IGF1R: variants seen among roughly 807,000 people sequenced by gnomAD.
The protein encoded by IGF1R is insulin like growth factor 1 receptor.
Under a neutral mutation model 144.6 loss-of-function variants are expected in IGF1R, and 44 were observed. The observed-to-expected ratio is 0.30, with a 90% CI of 0.24 to 0.39. The LOEUF is 0.39. IGF1R is among the 10% of genes least tolerant of loss of function. The pLI, the probability that IGF1R is intolerant of heterozygous loss-of-function variation, is 1.00. For synonymous variants in IGF1R, 795 were observed against 722.8 expected (o/e 1.10, Z -1.60); for missense variants, 1,355 against 1,833.7 (o/e 0.74, Z 4.77).
chr15:98,869,898 C>G (rs2012689866), intron 2 of IGF1R, among the ~76,000 whole-genome samples: 1 of 152,182 alleles, frequency 6.6e-6, no homozygotes, highest in Non-Finnish European at 1.5e-5. Context: ...GTGTGTAAGG[C>G]TCTCTGGGAG....
intron 2 of IGF1R, among the ~76,000 whole-genome samples, chr15:98,885,663 T>G (rs957840731): frequency 3.3e-5 from 5 of 152,204 alleles, no homozygotes; most frequent in Non-Finnish European, 2.9e-5. Flanking sequence ...CTTCCGTATT[T>G]TGATTCAGAA....
At chr15:98,925,444 T>C (rs984563943) in intron 13 of IGF1R, among the ~76,000 whole-genome samples, 4 of 152,238 alleles carry the variant, frequency 2.6e-5, no homozygotes, top group African/African-American at 9.6e-5. Context: ...ATTTCTTATT[T>C]CAAACCCAGT....
At chr15:98,914,773 A>G (rs566308362) in intron 8 of IGF1R, among the ~76,000 whole-genome samples, 72 of 147,482 alleles carry the variant, frequency 4.9e-4, no homozygotes, top group Non-Finnish European at 7.9e-4. Context: ...CTCTGTCCTT[A>G]CACGCAGCGG....
chr15:98,838,603 T>A (rs1314503549), intron 2 of IGF1R, among the ~76,000 whole-genome samples: 1 of 152,194 alleles, frequency 6.6e-6, no homozygotes, highest in African/African-American at 2.4e-5. Context: ...ACTTTTCCAG[T>A]ACTCTAAGGT....
chr15:98,869,105 C>T (rs538912816), intron 2 of IGF1R, among the ~76,000 whole-genome samples: 3 of 152,030 alleles, frequency 2.0e-5, no homozygotes, highest in Admixed American at 6.5e-5. Flanking sequence ...TTCTCTTTTT[C>T]GAGGAAGGGG....
In IGF1R at chr15:98,704,811, C is replaced by A; in HGVS notation, c.95-2751C>A. Among the ~76,000 whole-genome samples, 1 of 151,940 alleles carries A rather than the reference C, an allele frequency of 6.6e-6. No individual in the cohort carries two copies. Among genetic ancestry groups the A allele is most frequent in the African/African-American group, 2.4e-5 (1 of 41,348 alleles). On this transcript the variant is annotated intron_variant, in intron 1 of 20. Coordinates refer to ENST00000650285, the MANE Select transcript of IGF1R (RefSeq NM_000875.5). This position sits in a 1 kb window ranked among gnomAD's most constrained non-coding sequence, Gnocchi z 4.9. ...CAGCGTGCTGCACAGGGAGGAAAGA[C>A]GTGGGGCAGCATTGTGGGAAGAGCA... is the stretch of plus-strand genomic sequence containing the variant.
At chr15:98,950,975 A>G (rs1009648365) in intron 20 of IGF1R, among the ~76,000 whole-genome samples, 1 of 152,204 alleles carries the variant, frequency 6.6e-6, no homozygotes, top group African/African-American at 2.4e-5. Flanking sequence ...AGCGGAGGGC[A>G]TGGGGTGGGG....
chr15:98,819,582 T>G (rs938052229), intron 2 of IGF1R, among the ~76,000 whole-genome samples: 1 of 152,148 alleles, frequency 6.6e-6, no homozygotes, highest in African/African-American at 2.4e-5. Flanking sequence ...AAGGAATAAG[T>G]TTCTGTTGTT....
In IGF1R at chr15:98,957,812, A is replaced by G. The variant is rs1009983169; in HGVS notation, c.*370A>G. On this transcript the variant is annotated 3_prime_UTR_variant, in exon 21 of 21. Coordinates refer to ENST00000650285, the MANE Select transcript of IGF1R (RefSeq NM_000875.5). ...TCATAACGGAAAAATAATTGCCACA[A>G]GTCCAGCTGGGAAGCCCTTTTTATC... 6 of 336,750 alleles carry G rather than the reference A, an allele frequency of 1.8e-5. No individual in the cohort carries two copies. The highest frequency in any genetic ancestry group is 6.2e-5 in the African/African-American group (3 of 48,276). 20.9% of individuals were successfully genotyped at this position (336,750 alleles called of 1,614,324 possible).
At chr15:98,822,903 A>G (rs1421426222) in intron 2 of IGF1R, among the ~76,000 whole-genome samples, 1 of 152,228 alleles carries the variant, frequency 6.6e-6, no homozygotes, top group Non-Finnish European at 1.5e-5. Context: ...TGAGTCTTAG[A>G]AGCGTGAATG....
chr15:98,922,999 G>T (rs1475900969), intron 11 of IGF1R, among the ~76,000 whole-genome samples: 2 of 152,214 alleles, frequency 1.3e-5, no homozygotes, highest in Admixed American at 6.5e-5. Flanking sequence ...GCCTCAGGTG[G>T]TAGAAAGAGC....
At chr15:98,861,635 T>G (rs924671690) in intron 2 of IGF1R, among the ~76,000 whole-genome samples, 2 of 152,234 alleles carry the variant, frequency 1.3e-5, no homozygotes, top group Non-Finnish European at 2.9e-5. Flanking sequence ...TGGGTTTGTA[T>G]CCCGTCTTTA....
intron 2 of IGF1R, among the ~76,000 whole-genome samples, chr15:98,834,477 T>C (rs768351934): frequency 3.9e-4 from 60 of 152,354 alleles, no homozygotes; most frequent in Middle Eastern, 3.4e-3. Flanking sequence ...GCCTTCACAC[T>C]TACTTCTGTT....
chr15:98,829,368 T>TAAAAA (rs34595229), intron 2 of IGF1R, among the ~76,000 whole-genome samples: 1 of 147,658 alleles, frequency 6.8e-6, no homozygotes. Context: ...GCTATTACTT[T>TAAAAA]AAAAAAAAAA....
Position 98,963,385 on chromosome 15 carries a change from T to C in IGF1R, c.*5943T>C. On this transcript the variant is annotated 3_prime_UTR_variant, in exon 21 of 21. Coordinates refer to ENST00000650285, the MANE Select transcript of IGF1R (RefSeq NM_000875.5). ...TTAAAAAGTAGTTCTGTATCTTCAG[T>C]ATCTTGGTCTTCCAGAACCCTCTGG... is the stretch of plus-strand genomic sequence containing the variant. 4.3e-6 allele frequency: 1 copy of C among 233,448 alleles called. No homozygotes were observed. Among genetic ancestry groups the C allele is most frequent in the Non-Finnish European group, 8.5e-6 (1 of 118,050 alleles). The allele number at this position is 233,448 out of a possible 1,614,324, so 14.5% of individuals were successfully genotyped here.
chr15:98,703,347 T>C (rs1474285279), intron 1 of IGF1R, among the ~76,000 whole-genome samples: 1 of 152,222 alleles, frequency 6.6e-6, no homozygotes, highest in Admixed American at 6.5e-5. Context: ...CCTCGGTGCA[T>C]GAATTATTTC....
chr15:98,943,141 G>C (rs999761299), intron 19 of IGF1R, 89 bp downstream of exon 19: 4 of 1,466,274 alleles, frequency 2.7e-6, no homozygotes, highest in African/African-American at 1.4e-5. Flanking sequence ...ATCTTTCTCT[G>C]TTCATTGTTA....
rs2151652127 is a variant in IGF1R, at chr15:98,896,760, G to A, written c.957G>A (p.Met319Ile). ...SGFIRNGSQS[M>I]YCIPCEGPCP... ...TTTTTTTTTTCTTCTTCAACAGCAT[G>A]TACTGCATCCCTTGTGAAGGTCCTT... is the stretch of plus-strand genomic sequence containing the variant. The change falls in exon 4 of 21, where the codon ATG becomes ATA. Residue 319 changes from methionine (M) to isoleucine (I), a missense_variant. Transcript: ENST00000650285. 2.5e-6 allele frequency: 4 copies of A among 1,613,590 alleles called. No individual in the cohort carries two copies. Among genetic ancestry groups the A allele is most frequent in the Non-Finnish European group, 3.4e-6 (4 of 1,179,858 alleles).
intron 1 of IGF1R, among the ~76,000 whole-genome samples, chr15:98,680,654 T>C (rs377139283): frequency 6.6e-6 from 1 of 152,106 alleles, no homozygotes; most frequent in African/African-American, 2.4e-5. Flanking sequence ...AGCCTTGAAC[T>C]CCTGGGCTCA....
Sources: allele counts gnomAD v4.1 joint callset (sites outside exome capture counted in the v4.1 genomes callset), GRCh38; gene constraint gnomAD v4.1.1; non-coding constraint Gnocchi (gnomAD v3.1); transcripts MANE v1.5; gene names NCBI Gene and HGNC (gene_info 2026-07-23, HGNC 2026-07-21).